Variants in MED12L observed in about 807,000 individuals in gnomAD.
MED12L encodes mediator complex subunit 12L.
In MED12L, 60 loss-of-function variants were observed where a neutral mutation model predicts 281.3. That is an observed-to-expected ratio of 0.21 (90% confidence interval 0.17 to 0.26). MED12L has a LOEUF of 0.26. Ranked by LOEUF, MED12L falls within the 10% of genes least tolerant of loss-of-function variation. The probability of loss-of-function intolerance (pLI) is 1.00; values close to 1 mark genes in which losing one functional copy is unlikely to be tolerated. For missense variants in MED12L, 2,146 were observed against 2,680.9 expected (o/e 0.80, Z 4.41); for synonymous variants, 974 against 987.2 (o/e 0.99, Z 0.25).
intron 16 of MED12L, chr3:151,269,393 TCCATCACACACACA>T (rs1740430925): frequency 1.1e-5 from 1 of 89,854 alleles, no homozygotes; most frequent in Non-Finnish European, 1.9e-5. Flanking sequence ...AGAGTGAAAC[TCCATCACACACACA>T]CACACACACA....
chr3:151,151,819 T>G (rs1010971155), intron 5 of MED12L, among the ~76,000 whole-genome samples: 2 of 152,152 alleles, frequency 1.3e-5, no homozygotes, highest in African/African-American at 4.8e-5. Flanking sequence ...CACAGAGTCA[T>G]GATGTGAACA....
chr3:151,172,374 A>T (rs557472786), intron 11 of MED12L, among the ~76,000 whole-genome samples: 2 of 152,370 alleles, frequency 1.3e-5, no homozygotes, highest in African/African-American at 2.4e-5. Flanking sequence ...AGCTGCTATT[A>T]TTACTGACTG....
intron 32 of MED12L, among the ~76,000 whole-genome samples, chr3:151,380,731 A>G (rs12489121): frequency 0.42 from 63,480 of 152,078 alleles, 13,409 homozygotes; most frequent in Middle Eastern, 0.48. Context: ...AATGAGATAT[A>G]TACAATAAAT....
chr3:151,121,806 C>T (rs899639137), intron 3 of MED12L, among the ~76,000 whole-genome samples: 3 of 152,004 alleles, frequency 2.0e-5, no homozygotes, highest in African/African-American at 7.2e-5. Flanking sequence ...ACCTCTGGCT[C>T]CTGGGTTCAA....
rs1235502990 is a variant in MED12L, at chr3:151,434,888, G to A, written c.*2084G>A. 6.6e-6 allele frequency: 1 copy of A among 152,142 alleles called. No homozygotes were observed. The highest frequency in any genetic ancestry group is 1.5e-5 in the Non-Finnish European group (1 of 68,024). The allele number at this position is 152,142 out of a possible 1,614,324, so 9.4% of individuals were successfully genotyped here. On this transcript the variant is annotated 3_prime_UTR_variant, in exon 45 of 45. Coordinates refer to ENST00000687756, the MANE Select transcript of MED12L (RefSeq NM_001393769.1). ...TCATTTTGCACATGAAAGCTGTGGG[G>A]CATATCTTTTTTCTTTTTTTAGGTG... is the stretch of plus-strand genomic sequence containing the variant.
At chr3:151,351,097 T>C (rs1044538651) in intron 17 of MED12L, among the ~76,000 whole-genome samples, 12 of 152,222 alleles carry the variant, frequency 7.9e-5, no homozygotes, top group African/African-American at 2.9e-4. Flanking sequence ...GGAGCCCTAC[T>C]GTTCTGTAGT....
intron 5 of MED12L, among the ~76,000 whole-genome samples, chr3:151,131,865 C>T (rs1290929778): frequency 6.6e-6 from 1 of 152,056 alleles, no homozygotes; most frequent in Non-Finnish European, 1.5e-5. Context: ...TTATTTTTCT[C>T]CCCACCAAAA....
At position 151,188,368 on chromosome 3, in the gene MED12L, A is replaced by C; in HGVS notation, c.1641A>C (p.Ser547=). Reference sequence around the variant, plus strand: ...TTAATCTGTAGAGATGTGGTGAATCAGAAGTCTTAGATGAGAAGGAGTCTA... The same window carrying C: ...TTAATCTGTAGAGATGTGGTGAATCCGAAGTCTTAGATGAGAAGGAGTCTA... ...AEIEAERCGE[S]EVLDEKESIS... The change falls in exon 13 of 45, where the codon TCA becomes TCC. Residue 547 remains serine, a synonymous_variant. Coordinates refer to ENST00000687756, the MANE Select transcript of MED12L (RefSeq NM_001393769.1). 1 of 1,604,988 alleles carries C rather than the reference A, an allele frequency of 6.2e-7. No homozygotes were observed. The highest frequency in any genetic ancestry group is 8.5e-7 in the Non-Finnish European group (1 of 1,171,948).
At chr3:151,205,494 G>C (rs1485937428) in intron 16 of MED12L, among the ~76,000 whole-genome samples, 2 of 152,114 alleles carry the variant, frequency 1.3e-5, no homozygotes, top group African/African-American at 4.8e-5. Flanking sequence ...AGAAATACTT[G>C]CTTTGAATAT....
intron 16 of MED12L, chr3:151,201,119 T>G (rs1420700380): frequency 1.3e-5 from 2 of 152,208 alleles, no homozygotes; most frequent in African/African-American, 4.8e-5. Flanking sequence ...TTTTATGTAA[T>G]AAAGCTGAAA....
At chr3:151,319,496 TGTGTGTGTGTC>T (rs1160923874) in intron 16 of MED12L, among the ~76,000 whole-genome samples, 3 of 145,844 alleles carry the variant, frequency 2.1e-5, no homozygotes, top group African/African-American at 8.4e-5. Context: ...TGTGTGTGTG[TGTGTGTGTGTC>T]GGCCACCAGA....
intron 43 of MED12L, among the ~76,000 whole-genome samples, chr3:151,425,993 A>G (rs1359934347): frequency 1.3e-5 from 2 of 152,166 alleles, no homozygotes; most frequent in Non-Finnish European, 2.9e-5. Flanking sequence ...TTCTGTATGG[A>G]TATGGGCCAA....
At chr3:151,300,494 A>G (rs1003698553) in intron 16 of MED12L, among the ~76,000 whole-genome samples, 2 of 152,222 alleles carry the variant, frequency 1.3e-5, no homozygotes. Context: ...ATTATCAAAC[A>G]TGATTTCCCC....
chr3:151,416,460 C>A (rs1279803906), intron 43 of MED12L, 38 bp downstream of exon 43: 1 of 1,602,612 alleles, frequency 6.2e-7, no homozygotes. Context: ...ATGTGGGTTT[C>A]TTCTTTAAAA....
intron 16 of MED12L, chr3:151,328,906 G>C (rs1750015174): frequency 6.2e-7 from 1 of 1,613,910 alleles, no homozygotes; most frequent in Non-Finnish European, 8.5e-7. Flanking sequence ...CCACTGTGTA[G>C]AGGGCTGGGA....
Position 151,416,313 on chromosome 3 carries a change from T to TGCAGCAGCC in MED12L, c.6300_6308dup (p.Gln2105_Gln2107dup). The stretch of plus-strand genomic sequence containing the variant: ...ATAACATTTTTACCCTCTTTCCAGA[T>TGCAGCAGCC]GCAGCAGCCCCAGCAGCCCCAGCCC... On this transcript the variant is annotated inframe_insertion and splice_region_variant, in exon 43 of 45. Coordinates refer to ENST00000687756, the MANE Select transcript of MED12L (RefSeq NM_001393769.1). The TGCAGCAGCC allele has an allele frequency of 1.2e-6, 2 of 1,613,098 alleles. No individual in the cohort carries two copies. The highest frequency in any genetic ancestry group is 1.3e-5 in the African/African-American group (1 of 75,006).
At chr3:151,409,441 A>C in intron 40 of MED12L, 109 bp downstream of exon 40, 1 of 884,394 alleles carries the variant, frequency 1.1e-6, no homozygotes, top group Non-Finnish European at 1.8e-6. Flanking sequence ...CTAGAACTTG[A>C]TTACTTCTTC....
At chr3:151,120,017 G>A (rs549160890) in intron 3 of MED12L, among the ~76,000 whole-genome samples, 142 of 149,600 alleles carry the variant, frequency 9.5e-4, no homozygotes, top group Middle Eastern at 3.4e-3. Context: ...TCAGGAGTTC[G>A]AGACCAGCCT....
intron 5 of MED12L, among the ~76,000 whole-genome samples, chr3:151,152,025 T>C (rs145336778): frequency 0.01 from 1,542 of 151,600 alleles, 34 homozygotes; most frequent in Middle Eastern, 0.014. Context: ...GAAATGATTT[T>C]AATTCCTAGC....
Sources: allele counts gnomAD v4.1 joint callset (sites outside exome capture counted in the v4.1 genomes callset), GRCh38; gene constraint gnomAD v4.1.1; transcripts MANE v1.5; gene names NCBI Gene and HGNC (gene_info 2026-07-23, HGNC 2026-07-21).